PTPRG: variants seen among roughly 807,000 people sequenced by gnomAD.
PTPRG encodes protein tyrosine phosphatase receptor type G.
A neutral mutation model predicts 165.3 loss-of-function variants in PTPRG; 102 were observed. That is an observed-to-expected ratio of 0.62 (90% confidence interval 0.53 to 0.73). PTPRG has a LOEUF of 0.73. Ranked by LOEUF, PTPRG falls within the 30% of genes least tolerant of loss-of-function variation. The probability of loss-of-function intolerance (pLI) is 0.00; values close to 1 mark genes in which losing one functional copy is unlikely to be tolerated. For missense variants in PTPRG, 1,866 were observed against 1,861.4 expected (o/e 1.00, Z -0.05); for synonymous variants, 675 against 669.5 (o/e 1.01, Z -0.13).
At chr3:61,909,868 C>G (rs2038757028) in intron 2 of PTPRG, among the ~76,000 whole-genome samples, 1 of 152,184 alleles carries the variant, frequency 6.6e-6, no homozygotes, top group African/African-American at 2.4e-5. Flanking sequence ...ATATTAAAGT[C>G]TGTTCCAAAA....
intron 8 of PTPRG, among the ~76,000 whole-genome samples, chr3:62,183,879 C>T (rs142442343): frequency 3.5e-4 from 53 of 152,304 alleles, no homozygotes; most frequent in African/African-American, 1.3e-3. Context: ...GACAGCTTTC[C>T]CCTTTTAAGC....
intron 5 of PTPRG, among the ~76,000 whole-genome samples, chr3:62,105,451 A>T (rs1702442524): frequency 6.6e-6 from 1 of 152,240 alleles, no homozygotes; most frequent in Non-Finnish European, 1.5e-5. Flanking sequence ...TAAAATCAAC[A>T]ACTGTGAAGC....
intron 1 of PTPRG, among the ~76,000 whole-genome samples, chr3:61,568,287 T>A (rs890148083): frequency 3.3e-5 from 5 of 152,256 alleles, no homozygotes; most frequent in African/African-American, 1.2e-4. Context: ...AAAAGATGTC[T>A]TAAAGTAATA....
chr3:61,724,328 G>T (rs2032171454), intron 1 of PTPRG, among the ~76,000 whole-genome samples: 1 of 151,812 alleles, frequency 6.6e-6, no homozygotes, highest in Admixed American at 6.6e-5. Context: ...CCAATAGTTT[G>T]CTTGGCCTTA....
chr3:61,615,399 C>T (rs1701274338), intron 1 of PTPRG, among the ~76,000 whole-genome samples: 1 of 152,206 alleles, frequency 6.6e-6, no homozygotes, highest in Non-Finnish European at 1.5e-5. Context: ...CTGAGGTTTC[C>T]TCGTGATTAC....
chr3:62,100,431 G>T (rs1702250297), intron 5 of PTPRG, among the ~76,000 whole-genome samples: 1 of 152,066 alleles, frequency 6.6e-6, no homozygotes, highest in Non-Finnish European at 1.5e-5. Context: ...GTGGCCGAAT[G>T]AAAACCCACC....
chr3:61,732,699 A>C (rs2032555393), intron 1 of PTPRG, among the ~76,000 whole-genome samples: 1 of 148,954 alleles, frequency 6.7e-6, no homozygotes. Context: ...ACAGAGCGAG[A>C]CTCCGTCTCA....
chr3:62,008,408 T>C (rs763799134), intron 4 of PTPRG, among the ~76,000 whole-genome samples: 4 of 152,206 alleles, frequency 2.6e-5, no homozygotes, highest in Non-Finnish European at 4.4e-5. Flanking sequence ...ATGATCCAAA[T>C]TGATTGTATG....
At chr3:62,166,259 G>C (rs1203459499) in intron 7 of PTPRG, among the ~76,000 whole-genome samples, 2 of 111,864 alleles carry the variant, frequency 1.8e-5, no homozygotes, top group African/African-American at 3.3e-5. Context: ...TTTGTGGCCT[G>C]TTGAGGACAA....
chr3:62,121,304 C>T (rs1177249668), intron 5 of PTPRG, among the ~76,000 whole-genome samples: 1 of 152,026 alleles, frequency 6.6e-6, no homozygotes, highest in Non-Finnish European at 1.5e-5. Flanking sequence ...GTGCTAAATA[C>T]TCACGGATCT....
intron 1 of PTPRG, among the ~76,000 whole-genome samples, chr3:61,697,954 C>T (rs564477993): frequency 1.8e-4 from 27 of 152,266 alleles, no homozygotes; most frequent in African/African-American, 6.5e-4. Context: ...ACAAACAGTC[C>T]TTGCTAATTT....
intron 4 of PTPRG, 97 bp downstream of exon 4, chr3:62,003,594 C>G (rs188563028): frequency 1.4e-6 from 2 of 1,452,156 alleles, no homozygotes; most frequent in Admixed American, 2.1e-5. Flanking sequence ...CAAATCACAG[C>G]TGTACAGTAC....
chr3:61,564,038 A>G (rs1390965826), intron 1 of PTPRG, among the ~76,000 whole-genome samples: 2 of 152,172 alleles, frequency 1.3e-5, no homozygotes, highest in Non-Finnish European at 2.9e-5. Flanking sequence ...TCCTGCCTCT[A>G]CGGTAGGACA....
chr3:62,282,957 T>A (rs1702510278), intron 28 of PTPRG, 88 bp downstream of exon 28: 4 of 1,279,174 alleles, frequency 3.1e-6, no homozygotes, highest in Non-Finnish European at 4.4e-6. Context: ...GCCAGAATTT[T>A]AAAACCTATC....
intron 1 of PTPRG, among the ~76,000 whole-genome samples, chr3:61,630,143 AGAT>A (rs1486864437): frequency 6.6e-6 from 1 of 152,234 alleles, no homozygotes; most frequent in Non-Finnish European, 1.5e-5. Flanking sequence ...TGCTTTAAAT[AGAT>A]GATATTATTG....
intron 2 of PTPRG, among the ~76,000 whole-genome samples, chr3:61,862,858 G>C (rs2037309824): frequency 1.3e-5 from 2 of 152,176 alleles, no homozygotes; most frequent in South Asian, 2.1e-4. Context: ...AAGACTCAGA[G>C]TGGTTTATCG....
chr3:61,956,275 G>GTCTC (rs199816889), intron 2 of PTPRG, among the ~76,000 whole-genome samples: 4 of 122,274 alleles, frequency 3.3e-5, no homozygotes, highest in African/African-American at 6.2e-5. Flanking sequence ...CGTGCACGCT[G>GTCTC]TCTCTCTCTC....
At chr3:62,050,653 A>G (rs1314443474) in intron 4 of PTPRG, among the ~76,000 whole-genome samples, 2 of 152,224 alleles carry the variant, frequency 1.3e-5, no homozygotes, top group East Asian at 3.8e-4. Flanking sequence ...TAAACTATCT[A>G]ATCTATCCCA....
rs369441351 is a variant in PTPRG at position 61,889,378 on chromosome 3, G to C, written c.191-100247G>C. Among the ~76,000 whole-genome samples the C allele has an allele frequency of 2.5e-4, 38 of 152,262 alleles. 2 individuals are homozygous for C. In the East Asian group the frequency reaches 2.9e-3, roughly 12 times the overall value. On this transcript the variant is annotated intron_variant, in intron 2 of 29. Coordinates refer to ENST00000474889, the MANE Select transcript of PTPRG (RefSeq NM_002841.4). The stretch of plus-strand genomic sequence containing the variant: ...CTATTGTTATTTTGCTGTTCAAATT[G>C]ATTGTCCCAGATTTGGCGAGTGTGC...
Sources: gnomAD v4.1 joint callset for allele counts (sites outside exome capture counted in the v4.1 genomes callset) on GRCh38, gnomAD v4.1.1 for gene constraint, MANE v1.5 for transcripts, NCBI Gene and HGNC (gene_info 2026-07-23, HGNC 2026-07-21) for gene names.